The following NCOA1 variants were observed in gnomAD, a reference collection of about 807,000 sequenced individuals.
NCOA1 encodes Hin-2 protein.
In NCOA1, 35 loss-of-function variants were observed where a neutral mutation model predicts 150.9. The ratio of observed to expected loss-of-function variants is 0.23; its 90% confidence interval spans 0.18 to 0.31. NCOA1 has a LOEUF of 0.31. Among genes scored for constraint, NCOA1 ranks in the 10% least tolerant of loss-of-function variants. The pLI is 1.00. For synonymous variants in NCOA1, 590 were observed against 630.0 expected, an observed-to-expected ratio of 0.94 and a Z score of 0.95; for missense variants, 1,491 against 1,749.3, an observed-to-expected ratio of 0.85 and a Z score of 2.63.
At chr2:24,589,387 T>C (rs1413789688) in intron 3 of NCOA1, among the ~76,000 whole-genome samples, 1 of 152,154 alleles carries the variant, frequency 6.6e-6, no homozygotes, top group Non-Finnish European at 1.5e-5. Flanking sequence ...AATTACTTTA[T>C]CCCTCTGGCA....
intron 3 of NCOA1, among the ~76,000 whole-genome samples, chr2:24,624,241 C>T (rs1449638472): frequency 1.3e-5 from 2 of 152,084 alleles, no homozygotes; most frequent in Non-Finnish European, 2.9e-5. Context: ...ATTGGTAACT[C>T]ATATTAATTA....
intron 3 of NCOA1, among the ~76,000 whole-genome samples, chr2:24,611,254 C>T (rs575912274): frequency 6.6e-6 from 1 of 152,286 alleles, no homozygotes; most frequent in Admixed American, 6.5e-5. Context: ...TGGCCTACAT[C>T]CACGTTGTCG....
chr2:24,517,003 C>T lies in NCOA1; in HGVS notation c.-396+25401C>T, dbSNP rs1267669270. Among the ~76,000 whole-genome samples, 9 of 17,942 alleles carry T rather than the reference C, an allele frequency of 5.0e-4. No homozygotes were observed. The Admixed American group carries it at 6.0e-3, about 12-fold the overall frequency. The allele number at this position is 17,942 out of a possible 152,430, so 11.8% of individuals were successfully genotyped here. A position where few individuals can be genotyped will look rare whatever the true frequency, so the allele number is the denominator to read the frequency against. ...ATATACGTATATATATACACACGCGCGCACACACACACACACACACACACA... is the reference window on the plus strand; with the variant it reads ...ATATACGTATATATATACACACGCGTGCACACACACACACACACACACACA... On this transcript the variant is annotated intron_variant, in intron 1 of 22. Transcript: ENST00000348332.
chr2:24,556,995 C>T (rs1004682673), intron 1 of NCOA1, among the ~76,000 whole-genome samples: 5 of 151,042 alleles, frequency 3.3e-5, no homozygotes, highest in Non-Finnish European at 5.9e-5. Flanking sequence ...CCAGATAATT[C>T]ATTGTTGTTG....
intron 10 of NCOA1, among the ~76,000 whole-genome samples, chr2:24,697,239 C>T (rs1000183631): frequency 6.6e-6 from 1 of 152,146 alleles, no homozygotes; most frequent in Non-Finnish European, 1.5e-5. Flanking sequence ...TGCTTCTTTT[C>T]TCATATTCTC....
rs545835153 is a variant in NCOA1 at position 24,544,765 on chromosome 2, A to G, written c.-395-19530A>G. 2.3e-4 allele frequency among the ~76,000 whole-genome samples: 35 copies of G among 152,270 alleles called. 2 individuals are homozygous for G. The South Asian group carries it at 6.6e-3, about 29-fold the overall frequency. On this transcript the variant is annotated intron_variant, in intron 1 of 22. Transcript: ENST00000348332. ...AGAAAAAATAAAAGAAGATTCTGTT[A>G]ATAAGACTTTCAAAAGAAAAAGGTA...
chr2:24,642,342 A>T (rs979630211), intron 3 of NCOA1, among the ~76,000 whole-genome samples: 14 of 144,368 alleles, frequency 9.7e-5, no homozygotes, highest in South Asian at 2.2e-4. Context: ...TATATTTTTT[A>T]AAATCTTTAA....
intron 3 of NCOA1, among the ~76,000 whole-genome samples, chr2:24,610,137 T>A (rs1423092479): frequency 1.4e-5 from 2 of 142,728 alleles, no homozygotes; most frequent in Non-Finnish European, 1.5e-5. Flanking sequence ...TTTTTTTTTT[T>A]TTTTTTTTTG....
intron 1 of NCOA1, among the ~76,000 whole-genome samples, chr2:24,529,282 TG>T (rs969989272): frequency 8.5e-5 from 13 of 152,342 alleles, no homozygotes; most frequent in African/African-American, 3.1e-4. Flanking sequence ...AGTTCTTTTC[TG>T]TTCATTGGTT....
At chr2:24,502,288 AGAGTC>A (rs1663498057) in intron 1 of NCOA1, among the ~76,000 whole-genome samples, 2 of 152,204 alleles carry the variant, frequency 1.3e-5, no homozygotes. Flanking sequence ...TAGAATCCTT[AGAGTC>A]TGATTTGACA....
At chr2:24,664,079 G>A (rs1283163088) in intron 5 of NCOA1, among the ~76,000 whole-genome samples, 2 of 152,168 alleles carry the variant, frequency 1.3e-5, no homozygotes, top group Non-Finnish European at 2.9e-5. Flanking sequence ...TTCAAACACT[G>A]TGAGGTTGCA....
At chr2:24,700,904 C>G (rs1391733424) in intron 11 of NCOA1, among the ~76,000 whole-genome samples, 2 of 152,130 alleles carry the variant, frequency 1.3e-5, no homozygotes, top group East Asian at 3.9e-4. Flanking sequence ...AACTTAATAA[C>G]TATAACTAGG....
intron 1 of NCOA1, among the ~76,000 whole-genome samples, chr2:24,529,279 T>G (rs1257083270): frequency 1.3e-5 from 2 of 152,208 alleles, no homozygotes; most frequent in Admixed American, 1.3e-4. Context: ...CACAGTTCTT[T>G]TCTGTTCATT....
chr2:24,742,781 C>G (rs1389653559), intron 19 of NCOA1, among the ~76,000 whole-genome samples: 1 of 152,160 alleles, frequency 6.6e-6, no homozygotes. Context: ...GTCTTCCCCA[C>G]ACAATGGATT....
chr2:24,671,520 A>T (rs894736614), intron 6 of NCOA1, among the ~76,000 whole-genome samples: 15 of 152,158 alleles, frequency 9.9e-5, no homozygotes, highest in African/African-American at 1.4e-4. Flanking sequence ...AGCAAAATTT[A>T]AAAATAAGAT....
intron 5 of NCOA1, among the ~76,000 whole-genome samples, chr2:24,661,301 A>C (rs1671174336): frequency 6.6e-6 from 1 of 151,660 alleles, no homozygotes; most frequent in Non-Finnish European, 1.5e-5. Context: ...ACTCATTTAT[A>C]TTTTCCTCCT....
chr2:24,534,314 A>G (rs1324191925), intron 1 of NCOA1, among the ~76,000 whole-genome samples: 2 of 151,588 alleles, frequency 1.3e-5, no homozygotes, highest in Non-Finnish European at 2.9e-5. Flanking sequence ...TTTTTATTGC[A>G]TCTATTTGAT....
intron 14 of NCOA1, among the ~76,000 whole-genome samples, chr2:24,719,051 A>C (rs1009813928): frequency 1.3e-5 from 2 of 150,858 alleles, no homozygotes; most frequent in African/African-American, 2.4e-5. Context: ...AAAAAAAAAA[A>C]AAAACCCCAA....
intron 3 of NCOA1, among the ~76,000 whole-genome samples, chr2:24,605,528 T>C (rs932835044): frequency 6.6e-6 from 1 of 152,230 alleles, no homozygotes; most frequent in African/African-American, 2.4e-5. Flanking sequence ...CTATGAACAA[T>C]TGAGCTATGA....
Sources: allele counts gnomAD v4.1 joint callset (sites outside exome capture counted in the v4.1 genomes callset), GRCh38; gene constraint gnomAD v4.1.1; transcripts MANE v1.5; gene names NCBI Gene and HGNC (gene_info 2026-07-23, HGNC 2026-07-21).